The following VWC2 variants were observed in gnomAD, a reference collection of about 807,000 sequenced individuals.
VWC2 encodes the protein brorin.
VWC2 carries 14 observed loss-of-function variants against 29.8 expected under a neutral mutation model. That is an observed-to-expected ratio of 0.47 (90% CI 0.31 to 0.74). The LOEUF is 0.74. Ranked by LOEUF, VWC2 falls within the 30% of genes least tolerant of loss-of-function variation. The pLI, the probability that VWC2 is intolerant of heterozygous loss-of-function variation, is 0.05. For missense variants in VWC2, 457 were observed against 459.8 expected, an observed-to-expected ratio of 0.99 and a Z score of 0.05; for synonymous variants, 213 against 199.0, an observed-to-expected ratio of 1.07 and a Z score of -0.59.
chr7:49,853,944 T>G lies in VWC2; in HGVS notation c.826+51104T>G, dbSNP rs565166150. ...ATGTTTTCATTGTTCAATTCCCACC[T>G]ATGAGTGAGAACATGCGGTGTTTGG... On this transcript the variant is annotated intron_variant, in intron 3 of 3. Transcript: ENST00000340652. Among the ~76,000 whole-genome samples, 557 of 146,220 alleles carry G rather than the reference T, an allele frequency of 3.8e-3. 4 individuals are homozygous for G. The highest frequency in any genetic ancestry group is 6.2e-3 in the Non-Finnish European group (418 of 67,230).
intron 3 of VWC2, among the ~76,000 whole-genome samples, chr7:49,846,173 G>T (rs1789940060): frequency 6.6e-6 from 1 of 152,182 alleles, no homozygotes; most frequent in South Asian, 2.1e-4. Context: ...ACTAAGATAT[G>T]AATCCACCCC....
At chr7:49,859,781 CGCGT>C (rs1444558558) in intron 3 of VWC2, among the ~76,000 whole-genome samples, 8 of 113,330 alleles carry the variant, frequency 7.1e-5, no homozygotes, top group South Asian at 3.3e-4. Context: ...TCTTACAGTG[CGCGT>C]GCGTGCACAC....
At chr7:49,777,574 T>C (rs1013883852) in intron 2 of VWC2, among the ~76,000 whole-genome samples, 2 of 152,182 alleles carry the variant, frequency 1.3e-5, no homozygotes, top group Admixed American at 1.3e-4. Flanking sequence ...TAGCAAAATA[T>C]AACTCCAGGC....
intron 3 of VWC2, among the ~76,000 whole-genome samples, chr7:49,856,987 G>T (rs1407093230): frequency 8.7e-6 from 1 of 114,518 alleles, no homozygotes; most frequent in Non-Finnish European, 1.6e-5. Flanking sequence ...TCCAACCTGG[G>T]TGACAGAGCC....
Position 49,913,485 on chromosome 7 carries a change from A to G in VWC2, c.*1300A>G, listed in dbSNP as rs1317705036. 3 of 152,214 alleles carry G rather than the reference A, an allele frequency of 2.0e-5. No homozygotes were observed. 9.4% of individuals were successfully genotyped at this position (152,214 alleles called of 1,614,324 possible). A position where few individuals can be genotyped will look rare whatever the true frequency, so the allele number is the denominator to read the frequency against. On this transcript the variant is annotated 3_prime_UTR_variant, in exon 4 of 4. Transcript: ENST00000340652. ...TAAAAAAAGCAAAACTATAATCACTATTAATGTCTTTAAAGGATTAAAATA... is the reference window on the plus strand; with the variant it reads ...TAAAAAAAGCAAAACTATAATCACTGTTAATGTCTTTAAAGGATTAAAATA...
At chr7:49,850,697 A>G (rs1790141757) in intron 3 of VWC2, among the ~76,000 whole-genome samples, 1 of 152,252 alleles carries the variant, frequency 6.6e-6, no homozygotes, top group South Asian at 2.1e-4. Context: ...GTGTCAGACA[A>G]CTTGTGTTCA....
chr7:49,899,307 C>T (rs1237271005), intron 3 of VWC2, among the ~76,000 whole-genome samples: 2 of 151,970 alleles, frequency 1.3e-5, no homozygotes, highest in African/African-American at 2.4e-5. Flanking sequence ...CATGAATGTT[C>T]ATCATGCTAT....
intron 3 of VWC2, among the ~76,000 whole-genome samples, chr7:49,845,056 C>A (rs866683542): frequency 2.6e-5 from 4 of 152,012 alleles, no homozygotes; most frequent in Admixed American, 6.6e-5. Flanking sequence ...CGAATGTTCT[C>A]ACTTATAAAT....
At chr7:49,813,954 C>T (rs541017788) in intron 3 of VWC2, among the ~76,000 whole-genome samples, 4 of 152,052 alleles carry the variant, frequency 2.6e-5, no homozygotes, top group South Asian at 2.1e-4. Flanking sequence ...GGAAATGACT[C>T]GCTGGTGAAT....
intron 3 of VWC2, among the ~76,000 whole-genome samples, chr7:49,813,267 C>T (rs1458759156): frequency 6.6e-6 from 1 of 152,234 alleles, no homozygotes; most frequent in African/African-American, 2.4e-5. Flanking sequence ...AACTGCAGAG[C>T]CCGCAACACA....
At chr7:49,908,775 G>C (rs1478709498) in intron 3 of VWC2, among the ~76,000 whole-genome samples, 1 of 152,212 alleles carries the variant, frequency 6.6e-6, no homozygotes, top group Non-Finnish European at 1.5e-5. Context: ...GATTAAAGGA[G>C]TGTGTCAAAA....
chr7:49,836,643 A>G (rs1480330756), intron 3 of VWC2, among the ~76,000 whole-genome samples: 1 of 39,802 alleles, frequency 2.5e-5, no homozygotes, highest in Non-Finnish European at 6.9e-5. Flanking sequence ...CATCTCAATA[A>G]ATAAATAAAT....
Position 49,775,964 on chromosome 7 carries a change from C to T in VWC2, c.529C>T (p.Pro177Ser). Residue 177 changes from proline to serine, a missense_variant, in exon 2 of 4, where the codon CCG becomes TCG. Physicochemically the swap from Pro to Ser is moderately conservative, Grantham distance 74 (BLOSUM62 -1). Around this residue, in one of 2 missense-constraint regions of VWC2, gnomAD observed 185 missense variants for 257.1 expected, o/e 0.72. Coordinates refer to ENST00000340652, the MANE Select transcript of VWC2 (RefSeq NM_198570.5). ...EKFAPGPSACPCLCTEEGPLC... is the reference protein window; with the variant it reads ...EKFAPGPSACSCLCTEEGPLC... ...GTTCGCGCCGGGCCCCTCGGCCTGC[C>T]CGTGCCTGTGCACCGAGGAGGGGCC... The T allele has an allele frequency of 1.3e-6, 2 of 1,550,460 alleles. No individual in the cohort carries two copies. Among genetic ancestry groups the T allele is most frequent in the Non-Finnish European group, 1.7e-6 (2 of 1,150,578 alleles).
chr7:49,817,674 G>T (rs1789177666), intron 3 of VWC2, among the ~76,000 whole-genome samples: 1 of 152,182 alleles, frequency 6.6e-6, no homozygotes, highest in South Asian at 2.1e-4. Context: ...ACCCCAGGAG[G>T]TATCCATAAA....
At chr7:49,815,372 G>A (rs575001714) in intron 3 of VWC2, among the ~76,000 whole-genome samples, 2 of 152,286 alleles carry the variant, frequency 1.3e-5, no homozygotes, top group East Asian at 1.9e-4. Flanking sequence ...TCTCAGGAGT[G>A]AGATTATTAG....
chr7:49,915,416 G>A lies in VWC2; in HGVS notation c.*3231G>A, dbSNP rs1331082425. The A allele has an allele frequency of 6.6e-6, 1 of 152,156 alleles. No individual in the cohort carries two copies. Among genetic ancestry groups the A allele is most frequent in the Non-Finnish European group, 1.5e-5 (1 of 68,018 alleles). 9.4% of individuals were successfully genotyped at this position (152,156 alleles called of 1,614,324 possible). ...TTTGTGCAGTAAAACATGCTAAGAA[G>A]AATTATCATGCAGTTTTAAGTTCAT... On this transcript the variant is annotated 3_prime_UTR_variant, in exon 4 of 4. Coordinates refer to ENST00000340652, the MANE Select transcript of VWC2 (RefSeq NM_198570.5).
intron 3 of VWC2, among the ~76,000 whole-genome samples, chr7:49,875,292 C>A (rs1213254615): frequency 7.9e-6 from 1 of 126,494 alleles, no homozygotes; most frequent in African/African-American, 3.0e-5. Context: ...ATCGCCTGAA[C>A]CCAGGAGATG....
At chr7:49,844,701 A>AT (rs1458826045) in intron 3 of VWC2, among the ~76,000 whole-genome samples, 5 of 151,606 alleles carry the variant, frequency 3.3e-5, no homozygotes, top group East Asian at 1.9e-4. Context: ...TTTTATTTTT[A>AT]TTTTTTTTGA....
At chr7:49,805,947 T>C (rs769401110) in intron 3 of VWC2, among the ~76,000 whole-genome samples, 2 of 152,188 alleles carry the variant, frequency 1.3e-5, no homozygotes, top group Admixed American at 6.5e-5. Flanking sequence ...GGAGCAGAAG[T>C]TGGAAACCAA....
Sources: gnomAD v4.1 joint callset for allele counts (sites outside exome capture counted in the v4.1 genomes callset) on GRCh38, gnomAD v4.1.1 for gene constraint, gnomAD v4.1.1 regional missense constraint, MANE v1.5 for transcripts, NCBI Gene and HGNC (gene_info 2026-07-23, HGNC 2026-07-21) for gene names.